Variants in UGGT2 observed in about 807,000 individuals in gnomAD.
UGGT2 encodes the protein UDP-glucose:glycoprotein glucosyltransferase 2.
UGGT2 carries 180 observed loss-of-function variants against 192.1 expected under a neutral mutation model. The observed-to-expected ratio is 0.94, with a 90% CI of 0.83 to 1.06. The LOEUF (loss-of-function observed/expected upper bound fraction) is 1.06. Ranked by LOEUF, UGGT2 falls within the 50% of genes least tolerant of loss-of-function variation. The pLI is 0.00. For missense variants in UGGT2, 1,849 were observed against 1,795.7 expected, an observed-to-expected ratio of 1.03 and a Z score of -0.54; for synonymous variants, 580 against 591.0, an observed-to-expected ratio of 0.98 and a Z score of 0.27.
At chr13:96,046,060 G>C (rs1279773194) in intron 1 of UGGT2, among the ~76,000 whole-genome samples, 4 of 152,088 alleles carry the variant, frequency 2.6e-5, no homozygotes, top group Non-Finnish European at 5.9e-5. Context: ...AAATCTGGAG[G>C]AATCACATTA....
intron 36 of UGGT2, 131 bp downstream of exon 36, chr13:95,853,412 C>A: frequency 1.2e-5 from 7 of 599,326 alleles, no homozygotes; most frequent in Admixed American, 3.6e-5. Flanking sequence ...TAGAAATATC[C>A]AATAGATAAT....
intron 36 of UGGT2, among the ~76,000 whole-genome samples, chr13:95,846,661 C>A (rs1346687936): frequency 6.6e-6 from 1 of 152,112 alleles, no homozygotes; most frequent in African/African-American, 2.4e-5. Context: ...TTATTTCTTT[C>A]TTTAAAGTTT....
intron 38 of UGGT2, among the ~76,000 whole-genome samples, chr13:95,830,636 C>A (rs1886561580): frequency 6.6e-6 from 1 of 152,128 alleles, no homozygotes; most frequent in South Asian, 2.1e-4. Context: ...ACAACAGATG[C>A]TGGAGAGGAT....
At chr13:95,865,679 A>G (rs537775781) in intron 30 of UGGT2, among the ~76,000 whole-genome samples, 78 of 152,262 alleles carry the variant, frequency 5.1e-4, no homozygotes, top group Middle Eastern at 3.4e-3. Context: ...AAAAACAAAA[A>G]CAAACTACTG....
chr13:95,897,468 CTG>C (rs1451508198), intron 22 of UGGT2, among the ~76,000 whole-genome samples: 1 of 152,066 alleles, frequency 6.6e-6, no homozygotes, highest in African/African-American at 2.4e-5. Context: ...TTTTAAGAAA[CTG>C]TGTGATCATC....
At chr13:96,036,418 C>T (rs1018702546) in intron 1 of UGGT2, among the ~76,000 whole-genome samples, 41 of 152,130 alleles carry the variant, frequency 2.7e-4, no homozygotes, top group African/African-American at 8.2e-4. Context: ...TGCAAGGGGA[C>T]GGAGAGCACC....
chr13:95,898,578 T>C (rs2048014825), intron 22 of UGGT2, among the ~76,000 whole-genome samples: 1 of 152,130 alleles, frequency 6.6e-6, no homozygotes. Flanking sequence ...AATGTCTTTG[T>C]CCTCTCCAAA....
chr13:95,965,183 C>T (rs1205506884), intron 12 of UGGT2, among the ~76,000 whole-genome samples: 47 of 151,468 alleles, frequency 3.1e-4, no homozygotes, highest in Non-Finnish European at 5.7e-4. Context: ...GTCAGTGTGA[C>T]GATTCCTCAG....
chr13:95,893,943 C>A (rs2047876616), intron 24 of UGGT2, among the ~76,000 whole-genome samples: 1 of 152,268 alleles, frequency 6.6e-6, no homozygotes, highest in South Asian at 2.1e-4. Flanking sequence ...CTTGACCAGG[C>A]TAAATCATAT....
intron 24 of UGGT2, 71 bp downstream of exon 24, chr13:95,894,491 T>C: frequency 7.9e-7 from 1 of 1,259,366 alleles, no homozygotes; most frequent in South Asian, 1.3e-5. Flanking sequence ...TTTTACCATG[T>C]TATGAAAACA....
chr13:95,887,971 C>T lies in UGGT2; in HGVS notation c.2959G>A (p.Val987Ile). Residue 987 changes from valine (V) to isoleucine (I), a missense_variant and splice_region_variant, in exon 26 of 39, where the codon GTA becomes ATA. Transcript: ENST00000376747. Reference sequence around the variant, plus strand: ...TTCATGTTGATAATCTTGCCAAGTACCTATTGGAAAGAAATTCCCATGTTT... The same window carrying T: ...TTCATGTTGATAATCTTGCCAAGTATCTATTGGAAAGAAATTCCCATGTTT... ...EAQKMAQLLV[V>I]LGKIINMKIK... is the part of the protein sequence containing the mutation. 1 of 1,589,172 alleles carries T rather than the reference C, an allele frequency of 6.3e-7. No homozygotes were observed. Among genetic ancestry groups the T allele is most frequent in the Non-Finnish European group, 8.6e-7 (1 of 1,166,092 alleles).
At chr13:95,827,230 T>G (rs982670911) in intron 38 of UGGT2, among the ~76,000 whole-genome samples, 1 of 152,166 alleles carries the variant, frequency 6.6e-6, no homozygotes, top group Admixed American at 6.5e-5. Flanking sequence ...TTAATTCATA[T>G]TTCAAAAATA....
At chr13:95,987,987 T>A (rs1351830245) in intron 8 of UGGT2, among the ~76,000 whole-genome samples, 1 of 151,770 alleles carries the variant, frequency 6.6e-6, no homozygotes, top group Non-Finnish European at 1.5e-5. Context: ...GAGTAAGGAG[T>A]GGAATAGTTA....
chr13:95,853,808 C>T lies in UGGT2; in HGVS notation c.4170-151G>A, dbSNP rs1419190224. 3.3e-5 allele frequency: 17 copies of T among 515,648 alleles called. No individual in the cohort carries two copies. The East Asian group carries it at 5.5e-4, about 17-fold the overall frequency. The allele number at this position is 515,648 out of a possible 1,614,324, so 31.9% of individuals were successfully genotyped here. A position where few individuals can be genotyped will look rare whatever the true frequency, so the allele number is the denominator to read the frequency against. ...CCTTTCATAAATTTGCTCCTAATATCTAATACTGTTTCCCAAGAGTTTTAA... is the reference window on the plus strand; with the variant it reads ...CCTTTCATAAATTTGCTCCTAATATTTAATACTGTTTCCCAAGAGTTTTAA... On this transcript the variant is annotated intron_variant, in intron 35 of 38. Coordinates refer to ENST00000376747, the MANE Select transcript of UGGT2 (RefSeq NM_020121.4).
intron 20 of UGGT2, among the ~76,000 whole-genome samples, chr13:95,915,717 G>T (rs1386159642): frequency 6.6e-6 from 1 of 152,128 alleles, no homozygotes. Flanking sequence ...TGCCAGCTTT[G>T]GAGAGTCCAA....
intron 32 of UGGT2, 146 bp downstream of exon 32, chr13:95,860,642 G>T: frequency 2.3e-6 from 1 of 425,602 alleles, no homozygotes; most frequent in Non-Finnish European, 4.2e-6. Context: ...TAATATTATG[G>T]GTTTCCTGTG....
At chr13:96,002,342 C>A (rs2051833311) in intron 5 of UGGT2, among the ~76,000 whole-genome samples, 1 of 152,234 alleles carries the variant, frequency 6.6e-6, no homozygotes, top group South Asian at 2.1e-4. Flanking sequence ...ACACTCTAGA[C>A]CCATGACTCT....
intron 38 of UGGT2, among the ~76,000 whole-genome samples, chr13:95,806,771 A>G (rs1017678019): frequency 2.6e-5 from 4 of 152,154 alleles, no homozygotes; most frequent in Admixed American, 6.5e-5. Context: ...GGGTGTTCAG[A>G]CCATTCAATG....
chr13:95,866,493 T>C (rs781275806), intron 30 of UGGT2, among the ~76,000 whole-genome samples: 1 of 152,198 alleles, frequency 6.6e-6, no homozygotes, highest in African/African-American at 2.4e-5. Context: ...GATACCGCTA[T>C]ATCCTATCCA....
Sources: allele counts gnomAD v4.1 joint callset (sites outside exome capture counted in the v4.1 genomes callset), GRCh38; gene constraint gnomAD v4.1.1; transcripts MANE v1.5; gene names NCBI Gene and HGNC (gene_info 2026-07-23, HGNC 2026-07-21).